The following COMMD7 variants were observed in gnomAD, a reference collection of about 807,000 sequenced individuals.
The protein encoded by COMMD7 is COMM domain containing 7, also known as COMM domain-containing protein 7.
A neutral mutation model predicts 34.8 loss-of-function variants in COMMD7; 28 were observed. The ratio of observed to expected loss-of-function variants is 0.80; its 90% CI spans 0.60 to 1.10. The LOEUF (loss-of-function observed/expected upper bound fraction) is 1.10. Among genes scored for constraint, COMMD7 ranks in the 50% least tolerant of loss-of-function variants. COMMD7 has a pLI of 0.00. For missense variants in COMMD7, 211 were observed against 241.6 expected (o/e 0.87, Z 0.84); for synonymous variants, 80 against 86.4 (o/e 0.93, Z 0.41).
rs929332471 is a variant in COMMD7 at position 32,727,962 on chromosome 20, C to G, written c.172G>C (p.Ala58Pro). 1 of 1,614,126 alleles carries G rather than the reference C, an allele frequency of 6.2e-7. No homozygotes were observed. Among genetic ancestry groups the G allele is most frequent in the Non-Finnish European group, 8.5e-7 (1 of 1,180,022 alleles). The stretch of plus-strand genomic sequence containing the variant: ...CCAAGACTGATCTGATTGGTGGTGG[C>G]AAATTCAGAGAGCTGAGCCAGAAAT... ...ERFLAQLSEFATTNQISLGSL... is the reference protein window; with the variant it reads ...ERFLAQLSEFPTTNQISLGSL... The change falls in exon 3 of 9, where the codon GCC becomes CCC. Residue 58 changes from alanine to proline, a missense_variant. Transcript: ENST00000278980.
chr20:32,740,640 C>G lies in COMMD7; in HGVS notation c.84+2668G>C, dbSNP rs78872844. ...AAAAGTGCCAAAAAGTTTAACAAAACCAGCCTGGGCAACATGGCAAAACTC... is the reference window on the plus strand; with the variant it reads ...AAAAGTGCCAAAAAGTTTAACAAAAGCAGCCTGGGCAACATGGCAAAACTC... On this transcript the variant is annotated intron_variant, in intron 1 of 8. Transcript: ENST00000278980. 2.1e-3 allele frequency among the ~76,000 whole-genome samples: 320 copies of G among 152,092 alleles called. 1 individual carries two copies. Among genetic ancestry groups the G allele is most frequent in the African/African-American group, 7.5e-3 (310 of 41,498 alleles).
intron 3 of COMMD7, among the ~76,000 whole-genome samples, chr20:32,720,910 C>G (rs1404470264): frequency 1.3e-5 from 2 of 152,200 alleles, no homozygotes; most frequent in African/African-American, 2.4e-5. Context: ...ATGCCATTAC[C>G]TTGCTTCTAA....
chr20:32,714,947 T>C (rs1031194410), intron 3 of COMMD7, among the ~76,000 whole-genome samples: 12 of 151,762 alleles, frequency 7.9e-5, no homozygotes, highest in African/African-American at 2.4e-4. Context: ...GAGGCAGTGG[T>C]TGCAGTGAGC....
chr20:32,722,488 G>C (rs957665441), intron 3 of COMMD7, among the ~76,000 whole-genome samples: 1 of 152,090 alleles, frequency 6.6e-6, no homozygotes, highest in African/African-American at 2.4e-5. Flanking sequence ...GCTGTGGGAG[G>C]CGTGGCCGGC....
chr20:32,719,377 G>C (rs1436040598), intron 3 of COMMD7, among the ~76,000 whole-genome samples: 3 of 152,214 alleles, frequency 2.0e-5, no homozygotes, highest in Non-Finnish European at 4.4e-5. Context: ...GCCGGGAGCA[G>C]TGGCTCACAC....
At chr20:32,706,026 C>A (rs1259670440) in intron 5 of COMMD7, among the ~76,000 whole-genome samples, 4 of 151,808 alleles carry the variant, frequency 2.6e-5, no homozygotes, top group African/African-American at 7.3e-5. Context: ...TGGTGAAACC[C>A]CGTCTCTACT....
At chr20:32,705,110 T>C (rs1440556128) in intron 5 of COMMD7, among the ~76,000 whole-genome samples, 2 of 151,792 alleles carry the variant, frequency 1.3e-5, no homozygotes, top group East Asian at 3.9e-4. Flanking sequence ...ACAACATTAA[T>C]GTTGTATTTT....
rs965464212 is a variant in COMMD7, at chr20:32,743,452, C to G, written c.-61G>C. ...CGCCGCCCTGCTCAGCTTCCTCCTC[C>G]GCTGCCGCTGCCACCGCTGCCGGCC... On this transcript the variant is annotated 5_prime_UTR_variant, in exon 1 of 9. Transcript: ENST00000278980. 5 of 1,168,280 alleles carry G rather than the reference C, an allele frequency of 4.3e-6. No homozygotes were observed. Among genetic ancestry groups the G allele is most frequent in the Non-Finnish European group, 5.5e-6 (5 of 912,314 alleles). The allele number at this position is 1,168,280 out of a possible 1,614,324, so 72.4% of individuals were successfully genotyped here.
chr20:32,732,035 A>G (rs1361007416), intron 1 of COMMD7, among the ~76,000 whole-genome samples: 1 of 152,204 alleles, frequency 6.6e-6, no homozygotes, highest in Non-Finnish European at 1.5e-5. Context: ...ATGACTGATA[A>G]TAGGATACAC....
rs1238338144 is a variant in COMMD7 at position 32,712,511 on chromosome 20, T to TA, written c.242-5752dup. Among the ~76,000 whole-genome samples the TA allele has an allele frequency of 7.2e-3, 901 of 124,316 alleles. 1 individual carries two copies. Among genetic ancestry groups the TA allele is most frequent in the African/African-American group, 0.015 (503 of 33,372 alleles). 81.6% of individuals were successfully genotyped at this position (124,316 alleles called of 152,430 possible). On this transcript the variant is annotated intron_variant, in intron 3 of 8. Coordinates refer to ENST00000278980, the MANE Select transcript of COMMD7 (RefSeq NM_053041.3). ...GACAGAGCAAGATTCCGTCTCAAAT[T>TA]AAAAAAAAAAAAACCTAGGTGATGG...
intron 3 of COMMD7, among the ~76,000 whole-genome samples, chr20:32,713,522 G>A (rs1984593893): frequency 6.6e-6 from 1 of 152,224 alleles, no homozygotes; most frequent in Admixed American, 6.5e-5. Flanking sequence ...CCCAAGGAAT[G>A]GACACAGGCT....
intron 3 of COMMD7, among the ~76,000 whole-genome samples, chr20:32,713,000 G>A (rs1984565668): frequency 2.0e-5 from 3 of 151,676 alleles, no homozygotes; most frequent in Admixed American, 6.6e-5. Context: ...CCAAAGTGCT[G>A]GGATTACAGG....
intron 3 of COMMD7, among the ~76,000 whole-genome samples, chr20:32,716,750 A>T (rs1568780171): frequency 6.6e-6 from 1 of 152,210 alleles, no homozygotes; most frequent in African/African-American, 2.4e-5. Flanking sequence ...GCAACAAAGC[A>T]AGACCCCCAC....
chr20:32,728,383 C>T (rs950239196), intron 1 of COMMD7, among the ~76,000 whole-genome samples: 1 of 151,984 alleles, frequency 6.6e-6, no homozygotes, highest in African/African-American at 2.4e-5. Flanking sequence ...TATTGAGAGA[C>T]TGTAAGCATA....
At chr20:32,729,457 C>T (rs1048835677) in intron 1 of COMMD7, among the ~76,000 whole-genome samples, 3 of 151,702 alleles carry the variant, frequency 2.0e-5, no homozygotes, top group Admixed American at 2.0e-4. Context: ...TATGACCCAC[C>T]GTGCCCAGCC....
At chr20:32,731,522 C>T (rs1985840062) in intron 1 of COMMD7, among the ~76,000 whole-genome samples, 1 of 152,010 alleles carries the variant, frequency 6.6e-6, no homozygotes, top group African/African-American at 2.4e-5. Context: ...TCTCTCCCTT[C>T]CCAAGCCCTC....
intron 1 of COMMD7, among the ~76,000 whole-genome samples, chr20:32,741,410 A>G (rs1253895386): frequency 8.5e-6 from 1 of 118,134 alleles, no homozygotes. Context: ...TTTTTTTTTG[A>G]GATGAAGTCT....
chr20:32,742,021 C>G (rs1236829965), intron 1 of COMMD7, among the ~76,000 whole-genome samples: 3 of 152,036 alleles, frequency 2.0e-5, no homozygotes, highest in African/African-American at 7.2e-5. Context: ...AACCCCATCT[C>G]TACTAAAAAT....
At chr20:32,710,268 T>C (rs1448321179) in intron 3 of COMMD7, among the ~76,000 whole-genome samples, 3 of 152,098 alleles carry the variant, frequency 2.0e-5, no homozygotes, top group African/African-American at 4.8e-5. Flanking sequence ...CTTTATGTTA[T>C]ATATTTATTA....
Sources: allele counts gnomAD v4.1 joint callset (sites outside exome capture counted in the v4.1 genomes callset), GRCh38; gene constraint gnomAD v4.1.1; transcripts MANE v1.5; gene names NCBI Gene and HGNC (gene_info 2026-07-23, HGNC 2026-07-21).